The following MCF2L variants were observed in gnomAD, a reference collection of about 807,000 sequenced individuals.
MCF2L encodes guanine nucleotide exchange factor DBS.
In MCF2L, 97 loss-of-function variants were observed where a neutral mutation model predicts 153.4. The observed-to-expected ratio is 0.63, with a 90% CI of 0.54 to 0.75. The LOEUF (loss-of-function observed/expected upper bound fraction) is 0.75. Among genes scored for constraint, MCF2L ranks in the 30% least tolerant of loss-of-function variants. The pLI is 0.00. For synonymous variants in MCF2L, 659 were observed against 632.2 expected (o/e 1.04, Z -0.64); for missense variants, 1,347 against 1,495.2 (o/e 0.90, Z 1.64).
intron 9 of MCF2L, among the ~76,000 whole-genome samples, chr13:113,073,267 C>T (rs575241634): frequency 6.6e-6 from 1 of 152,304 alleles, no homozygotes; most frequent in South Asian, 2.1e-4. Flanking sequence ...ATGTTCCTCA[C>T]TTGAAAAGAA....
At chr13:113,062,339 C>T (rs1293253731) in intron 5 of MCF2L, among the ~76,000 whole-genome samples, 1 of 152,070 alleles carries the variant, frequency 6.6e-6, no homozygotes, top group Non-Finnish European at 1.5e-5. Flanking sequence ...CAGCACCTCT[C>T]GTGGTGGCTT....
At chr13:112,938,467 C>T (rs966841357) in intron 2 of MCF2L, among the ~76,000 whole-genome samples, 3 of 152,118 alleles carry the variant, frequency 2.0e-5, no homozygotes, top group African/African-American at 2.4e-5. Flanking sequence ...TTGGGCACTC[C>T]GGGTGGGCTC....
At chr13:113,010,660 G>A (rs970779985) in intron 1 of MCF2L, among the ~76,000 whole-genome samples, 3 of 152,244 alleles carry the variant, frequency 2.0e-5, no homozygotes, top group Non-Finnish European at 2.9e-5. Flanking sequence ...CAGGGGAATG[G>A]ACGGGGCAGC....
intron 1 of MCF2L, among the ~76,000 whole-genome samples, chr13:113,011,552 C>T (rs1346680468): frequency 2.8e-5 from 4 of 140,606 alleles, no homozygotes; most frequent in African/African-American, 8.3e-5. Context: ...GCGATGAGGA[C>T]GGTGGACACT....
chr13:113,093,387 C>T (rs1010912712), intron 26 of MCF2L, among the ~76,000 whole-genome samples: 1 of 152,278 alleles, frequency 6.6e-6, no homozygotes, highest in Non-Finnish European at 1.5e-5. Context: ...GGAGCAGCCC[C>T]GTGCTCTGCT....
intron 18 of MCF2L, chr13:113,084,659 C>T (rs1346907491): frequency 3.5e-6 from 2 of 575,570 alleles, no homozygotes; most frequent in African/African-American, 1.9e-5. Flanking sequence ...TCTGGGAAGT[C>T]AGGGGCTCTG....
chr13:113,053,866 C>T lies in MCF2L; in HGVS notation c.370-6727C>T, dbSNP rs1018915792. Among the ~76,000 whole-genome samples the T allele has an allele frequency of 6.6e-6, 1 of 152,158 alleles. No homozygotes were observed. The highest frequency in any genetic ancestry group is 1.5e-5 in the Non-Finnish European group (1 of 68,030). On this transcript the variant is annotated intron_variant, in intron 4 of 29. Transcript: ENST00000535094. The surrounding 1 kb of genome is among the most constrained non-coding windows in gnomAD (Gnocchi z 4.4). ...TCACTGATTGCAAAGTAAACATGCA[C>T]GCCCCTTCAGGGTCCTGGTCCTTAG...
At chr13:112,968,048 G>T, upstream of MCF2L, 1 of 215,582 alleles carries the variant, frequency 4.6e-6, no homozygotes, top group South Asian at 5.5e-5. Flanking sequence ...GCCATATGAT[G>T]CTTGAATTCC....
chr13:113,045,337 G>A lies in MCF2L; in HGVS notation c.345G>A (p.Val115=). The change falls in exon 4 of 30, where the codon GTG becomes GTA. Residue 115 remains valine, a synonymous_variant. Transcript: ENST00000535094. The surrounding 1 kb of genome is among the most constrained non-coding windows in gnomAD (Gnocchi z 4.2). ...GGCGACGGGACAAATGGACCTCCGTGAAGGCGTCCGTCCTGCGCATCGCAG... is the reference window on the plus strand; with the variant it reads ...GGCGACGGGACAAATGGACCTCCGTAAAGGCGTCCGTCCTGCGCATCGCAG... The part of the protein sequence containing the change: ...IDRRRDKWTS[V]KASVLRIAAS... The A allele has an allele frequency of 6.2e-7, 1 of 1,614,058 alleles. No individual in the cohort carries two copies. Among genetic ancestry groups the A allele is most frequent in the Non-Finnish European group, 8.5e-7 (1 of 1,180,014 alleles).
chr13:112,971,185 A>G (rs2082027474), intron 1 of MCF2L, among the ~76,000 whole-genome samples: 1 of 152,148 alleles, frequency 6.6e-6, no homozygotes, highest in South Asian at 2.1e-4. Context: ...TATTGACATG[A>G]TGCTACCACA....
Position 112,943,161 on chromosome 13 carries a change from G to A in MCF2L, c.169+40790G>A, listed in dbSNP as rs2081593500. On this transcript the variant is annotated intron_variant, in intron 2 of 29. Transcript: ENST00000375608. The surrounding 1 kb of genome is among the most constrained non-coding windows in gnomAD (Gnocchi z 4.2). The stretch of plus-strand genomic sequence containing the variant: ...GGAGCATCCAGCCTAGGGCTCAGCA[G>A]GTGTGACTTAAAGGATCGCAGGTGA... Among the ~76,000 whole-genome samples, 1 of 152,262 alleles carries A rather than the reference G, an allele frequency of 6.6e-6. No individual in the cohort carries two copies. Among genetic ancestry groups the A allele is most frequent in the Non-Finnish European group, 1.5e-5 (1 of 68,048 alleles).
intron 2 of MCF2L, among the ~76,000 whole-genome samples, chr13:112,940,317 T>C (rs894666846): frequency 2.0e-5 from 3 of 152,276 alleles, no homozygotes; most frequent in African/African-American, 7.2e-5. Flanking sequence ...CTCATCTGTC[T>C]GGAGACAGGG....
At chr13:113,095,263 G>A in intron 27 of MCF2L, 1 of 1,191,046 alleles carries the variant, frequency 8.4e-7, no homozygotes, top group Non-Finnish European at 1.1e-6. Flanking sequence ...CATGCCCCAA[G>A]GCTGGAGGTG....
intron 3 of MCF2L, chr13:113,043,254 T>TG (rs2086614979): frequency 6.6e-6 from 1 of 152,176 alleles, no homozygotes; most frequent in Non-Finnish European, 1.5e-5. Context: ...GTGGGCAGCT[T>TG]GGGGCGTTTC....
intron 21 of MCF2L, 133 bp from the exon 22 acceptor site, chr13:113,087,102 T>C (rs2034706454): frequency 1.3e-6 from 1 of 740,908 alleles, no homozygotes; most frequent in East Asian, 2.7e-5. Flanking sequence ...CGAGCTTGCC[T>C]TTCCTGGGAC....
At chr13:113,032,108 A>G (rs2085764015) in intron 3 of MCF2L, among the ~76,000 whole-genome samples, 1 of 152,172 alleles carries the variant, frequency 6.6e-6, no homozygotes, top group Non-Finnish European at 1.5e-5. Flanking sequence ...CTTCCAGTCA[A>G]GAGGAGAGTC....
At chr13:112,931,336 C>T (rs778503219) in intron 2 of MCF2L, among the ~76,000 whole-genome samples, 1 of 152,220 alleles carries the variant, frequency 6.6e-6, no homozygotes, top group Non-Finnish European at 1.5e-5. Context: ...CACTTAATTA[C>T]GTCGTTTCCC....
intron 2 of MCF2L, chr13:112,910,172 C>G (rs986582178): frequency 2.6e-5 from 4 of 152,246 alleles, no homozygotes; most frequent in Admixed American, 2.6e-4. Flanking sequence ...GTAATGCTGA[C>G]CACAAGGTCT....
intron 20 of MCF2L, among the ~76,000 whole-genome samples, chr13:113,085,635 G>T (rs2034564105): frequency 6.6e-6 from 1 of 151,698 alleles, no homozygotes; most frequent in African/African-American, 2.4e-5. Flanking sequence ...CAGGTGCGAG[G>T]GGTTTGCACC....
Sources: allele counts gnomAD v4.1 joint callset (sites outside exome capture counted in the v4.1 genomes callset), GRCh38; gene constraint gnomAD v4.1.1; non-coding constraint Gnocchi (gnomAD v3.1); transcripts MANE v1.5; gene names NCBI Gene and HGNC (gene_info 2026-07-23, HGNC 2026-07-21).